DACH2: variants seen among roughly 807,000 people sequenced by gnomAD.
DACH2 encodes the protein dachshund family transcription factor 2.
DACH2 carries 17 observed loss-of-function variants against 35.8 expected under a neutral mutation model. The ratio of observed to expected loss-of-function variants is 0.48; its 90% CI spans 0.33 to 0.71. The LOEUF is 0.71. Among genes scored for constraint, DACH2 ranks in the 30% least tolerant of loss-of-function variants. The probability of loss-of-function intolerance (pLI) is 0.02; values close to 1 mark genes in which losing one functional copy is unlikely to be tolerated. For synonymous variants in DACH2, 195 were observed against 177.3 expected (o/e 1.10, Z -0.79); for missense variants, 469 against 472.7 (o/e 0.99, Z 0.07).
At chrX:86,683,839 C>T (rs1391511957) in intron 4 of DACH2, among the ~76,000 whole-genome samples, 1 of 111,231 alleles carries the variant, frequency 9.0e-6, no homozygotes, top group Non-Finnish European at 1.9e-5. Context: ...GATTATATTT[C>T]CATATCAGAT....
intron 4 of DACH2, among the ~76,000 whole-genome samples, chrX:86,665,315 C>A (rs1367447709): frequency 9.0e-6 from 1 of 111,654 alleles, no homozygotes; most frequent in Admixed American, 9.6e-5. Context: ...TTTGAATTAC[C>A]CCTATGAGGC....
chrX:86,336,828 A>G lies in DACH2; in HGVS notation c.489-39996A>G, dbSNP rs139972607. Among the ~76,000 whole-genome samples, 239 of 109,833 alleles carry G rather than the reference A, an allele frequency of 2.2e-3. No individual in the cohort carries two copies. The Middle Eastern group carries it at 0.023, about 11-fold the overall frequency. ...CAATGCAAGAAAGCTAAGAACCTTG[A>G]AAACAGGTTAGACCAATTGCTAACT... On this transcript the variant is annotated intron_variant, in intron 1 of 11. Coordinates refer to ENST00000373125, the MANE Select transcript of DACH2 (RefSeq NM_053281.3).
chrX:86,246,928 A>G lies in DACH2; in HGVS notation c.488+97820A>G, dbSNP rs181002526. Among the ~76,000 whole-genome samples the G allele has an allele frequency of 2.0e-3, 220 of 111,784 alleles. 2 individuals are homozygous for G. The highest frequency in any genetic ancestry group is 0.016 in the South Asian group (43 of 2,648). On this transcript the variant is annotated intron_variant, in intron 1 of 11. Transcript: ENST00000373125. The stretch of plus-strand genomic sequence containing the variant: ...GACCCAACTATTTGCTGTCTTTAAG[A>G]GACCCCTTTCACATGCAATGACATG...
At chrX:86,160,807 C>T in intron 1 of DACH2, 1 of 480,616 alleles carries the variant, frequency 2.1e-6, no homozygotes, top group Admixed American at 3.2e-5. Flanking sequence ...GTAACATCGA[C>T]TGCAGCAAAG....
At chrX:86,304,077 A>G (rs752630519) in intron 1 of DACH2, among the ~76,000 whole-genome samples, 1 of 112,148 alleles carries the variant, frequency 8.9e-6, no homozygotes, top group Non-Finnish European at 1.9e-5. Flanking sequence ...AAATCCATGC[A>G]TTTACGGCCA....
At chrX:86,369,718 G>A (rs902158761) in intron 1 of DACH2, among the ~76,000 whole-genome samples, 1 of 111,222 alleles carries the variant, frequency 9.0e-6, no homozygotes, top group Non-Finnish European at 1.9e-5. Context: ...TTATTTTCAT[G>A]AATAGCTTTA....
intron 1 of DACH2, among the ~76,000 whole-genome samples, chrX:86,361,576 T>A (rs1032859525): frequency 9.0e-6 from 1 of 111,664 alleles, no homozygotes; most frequent in African/African-American, 3.2e-5. Flanking sequence ...TTAGGGGCTT[T>A]ATTTGCAAGT....
At chrX:86,379,557 G>A (rs1402525031) in intron 2 of DACH2, among the ~76,000 whole-genome samples, 1 of 110,492 alleles carries the variant, frequency 9.1e-6, no homozygotes, top group African/African-American at 3.3e-5. Context: ...CTGCTTTAAT[G>A]GTCACAATGA....
At chrX:86,272,358 A>G (rs1226265986) in intron 1 of DACH2, among the ~76,000 whole-genome samples, 1 of 111,242 alleles carries the variant, frequency 9.0e-6, no homozygotes, top group East Asian at 2.8e-4. Context: ...CAATGTCAAG[A>G]TGACAAAATT....
At chrX:86,694,295 A>T (rs1409701454) in intron 4 of DACH2, among the ~76,000 whole-genome samples, 1 of 112,560 alleles carries the variant, frequency 8.9e-6, no homozygotes, top group Non-Finnish European at 1.9e-5. Flanking sequence ...TCTTGAAAGA[A>T]TGCCCTGGAA....
intron 3 of DACH2, among the ~76,000 whole-genome samples, chrX:86,597,332 CT>C (rs1261120226): frequency 8.9e-6 from 1 of 111,849 alleles, no homozygotes; most frequent in African/African-American, 3.3e-5. Context: ...TTAAGCACTT[CT>C]TTAGCTGCAT....
At chrX:86,497,638 C>T (rs746651871) in intron 2 of DACH2, among the ~76,000 whole-genome samples, 1 of 111,252 alleles carries the variant, frequency 9.0e-6, no homozygotes, top group African/African-American at 3.3e-5. Context: ...TGATGTGTGG[C>T]ACTCTGCTTT....
In DACH2 at chrX:86,651,018, G is replaced by T; in HGVS notation, c.641-18G>T. On this transcript the variant is annotated intron_variant, in intron 3 of 11. Coordinates refer to ENST00000373125, the MANE Select transcript of DACH2 (RefSeq NM_053281.3). ...TTAATATAAATAAATAAATGGAATG[G>T]AATAATTCTGCTTTTAGGTATAACA... is the stretch of plus-strand genomic sequence containing the variant. 1 of 1,176,073 alleles carries T rather than the reference G, an allele frequency of 8.5e-7. No individual in the cohort carries two copies. The highest frequency in any genetic ancestry group is 1.1e-6 in the Non-Finnish European group (1 of 877,187).
chrX:86,389,491 A>G (rs2036168888), intron 2 of DACH2, among the ~76,000 whole-genome samples: 2 of 112,371 alleles, frequency 1.8e-5, no homozygotes, highest in Admixed American at 9.5e-5. Context: ...CACACTACAA[A>G]TGTGGGAGGA....
Position 86,736,158 on chromosome X carries a change from TA to T in DACH2, c.1105-3580del, listed in dbSNP as rs1055052626. On this transcript the variant is annotated intron_variant, in intron 6 of 11. Coordinates refer to ENST00000373125, the MANE Select transcript of DACH2 (RefSeq NM_053281.3). Reference sequence around the variant, plus strand: ...TAAACATTCCACTTCCACAGAGATTTAAAAAAAAACACAACACCTAATTCTT... The same window carrying T: ...TAAACATTCCACTTCCACAGAGATTTAAAAAAAACACAACACCTAATTCTT... Among the ~76,000 whole-genome samples the T allele has an allele frequency of 4.6e-5, 5 of 109,718 alleles. No homozygotes were observed. In the South Asian group the frequency reaches 1.1e-3, roughly 25 times the overall value.
chrX:86,252,326 T>C (rs2033418938), intron 1 of DACH2, among the ~76,000 whole-genome samples: 1 of 111,713 alleles, frequency 9.0e-6, no homozygotes, highest in Non-Finnish European at 1.9e-5. Flanking sequence ...TCTTTTGCTA[T>C]GCAGAAGCTC....
chrX:86,620,630 G>T (rs1365891488), intron 3 of DACH2, among the ~76,000 whole-genome samples: 2 of 110,815 alleles, frequency 1.8e-5, no homozygotes, highest in Non-Finnish European at 3.8e-5. Flanking sequence ...TATAAATTTT[G>T]ATTTATTCCA....
chrX:86,255,580 C>T (rs1006446786), intron 1 of DACH2, among the ~76,000 whole-genome samples: 3 of 110,431 alleles, frequency 2.7e-5, no homozygotes, highest in African/African-American at 9.9e-5. Context: ...GTGTAGGTCT[C>T]CTGATCAGTG....
intron 1 of DACH2, among the ~76,000 whole-genome samples, chrX:86,158,776 T>A (rs924572998): frequency 2.7e-5 from 3 of 111,552 alleles, no homozygotes; most frequent in African/African-American, 9.8e-5. Context: ...TATTGAATAA[T>A]CCTTAAATTT....
Sources: allele counts gnomAD v4.1 joint callset (sites outside exome capture counted in the v4.1 genomes callset), GRCh38; gene constraint gnomAD v4.1.1; transcripts MANE v1.5; gene names NCBI Gene and HGNC (gene_info 2026-07-23, HGNC 2026-07-21).